MTMR2: variants seen among roughly 807,000 people sequenced by gnomAD.
MTMR2 encodes the protein myotubularin related protein 2, also known as phosphatidylinositol-3,5-bisphosphate 3-phosphatase MTMR2.
A neutral mutation model predicts 86.9 loss-of-function variants in MTMR2; 55 were observed. The ratio of observed to expected loss-of-function variants is 0.63; its 90% CI spans 0.51 to 0.79. The LOEUF (loss-of-function observed/expected upper bound fraction) is 0.79, where lower values mean the gene tolerates loss of function less well. Among genes scored for constraint, MTMR2 ranks in the 30% least tolerant of loss-of-function variants. The probability of loss-of-function intolerance (pLI) is 0.00; values close to 1 mark genes in which losing one functional copy is unlikely to be tolerated. For synonymous variants in MTMR2, 241 were observed against 266.8 expected (o/e 0.90, Z 0.94); for missense variants, 659 against 772.3 (o/e 0.85, Z 1.74).
intron 14 of MTMR2, 96 bp from the exon 15 acceptor site, chr11:95,835,547 G>T: frequency 7.7e-7 from 1 of 1,300,032 alleles, no homozygotes; most frequent in Non-Finnish European, 1.1e-6. Context: ...TTTTTCAGCT[G>T]TTGGAACCAA....
At chr11:95,884,805 G>A (rs1865458451) in intron 2 of MTMR2, among the ~76,000 whole-genome samples, 1 of 152,024 alleles carries the variant, frequency 6.6e-6, no homozygotes, top group Non-Finnish European at 1.5e-5. Context: ...AGCAACTGAA[G>A]ACTGTAATTC....
intron 6 of MTMR2, 147 bp from the exon 7 acceptor site, chr11:95,857,782 G>A: frequency 1.6e-6 from 1 of 632,424 alleles, no homozygotes; most frequent in East Asian, 2.8e-5. Flanking sequence ...TATAGTTTTT[G>A]TTTTATCATT....
rs1210152860 is a variant in MTMR2 at position 95,845,082 on chromosome 11, A to G, written c.1257T>C (p.Asp419=). ...GKTSVVVHCS[D]GWDRTAQLTS... The stretch of plus-strand genomic sequence containing the variant: ...TGAGCTGAGCTGTGCGATCCCAACC[A>G]TCACTGCAATGCACTACCACAGACG... The change falls in exon 11 of 15, where the codon GAT becomes GAC. Residue 419 remains aspartate (D), a synonymous_variant. Transcript: ENST00000346299. 3 of 1,613,958 alleles carry G rather than the reference A, an allele frequency of 1.9e-6. No individual in the cohort carries two copies. Among genetic ancestry groups the G allele is most frequent in the Admixed American group, 3.3e-5 (2 of 59,984 alleles).
chr11:95,880,195 T>C (rs971180310), intron 2 of MTMR2, among the ~76,000 whole-genome samples: 19 of 152,158 alleles, frequency 1.2e-4, no homozygotes, highest in Non-Finnish European at 2.4e-4. Flanking sequence ...TTTGGTGATG[T>C]GGTGAAGCAA....
At chr11:95,841,053 A>C (rs560533912) in intron 12 of MTMR2, among the ~76,000 whole-genome samples, 22 of 152,180 alleles carry the variant, frequency 1.4e-4, no homozygotes, top group Non-Finnish European at 2.8e-4. Flanking sequence ...TACTCTTTCC[A>C]AAAGATTAAA....
At position 95,833,371 on chromosome 11, in the gene MTMR2, G is replaced by GT. The variant is rs1406156485; in HGVS notation, c.*1918dup. ...ATAGACATACAAAGTTATGAAACATGTAACTGTCAATTCAAATATTTAAAA... is the reference window on the plus strand; with the variant it reads ...ATAGACATACAAAGTTATGAAACATGTTAACTGTCAATTCAAATATTTAAAA... On this transcript the variant is annotated 3_prime_UTR_variant, in exon 15 of 15. Coordinates refer to ENST00000346299, the MANE Select transcript of MTMR2 (RefSeq NM_016156.6). 1 of 152,056 alleles carries GT rather than the reference G, an allele frequency of 6.6e-6. No individual in the cohort carries two copies. Among genetic ancestry groups the GT allele is most frequent in the East Asian group, 1.9e-4 (1 of 5,192 alleles). The allele number at this position is 152,056 out of a possible 1,614,324, so 9.4% of individuals were successfully genotyped here.
At chr11:95,870,145 G>C (rs990212874) in intron 2 of MTMR2, among the ~76,000 whole-genome samples, 2 of 152,156 alleles carry the variant, frequency 1.3e-5, no homozygotes, top group African/African-American at 4.8e-5. Context: ...GCATCAAAAA[G>C]TAAGCCAGAT....
intron 5 of MTMR2, among the ~76,000 whole-genome samples, chr11:95,861,580 C>T (rs1490167269): frequency 7.9e-5 from 12 of 151,886 alleles, no homozygotes; most frequent in Admixed American, 4.6e-4. Context: ...CCCGCCACCA[C>T]GCCTGGTTAA....
At chr11:95,879,571 T>C (rs1865248060) in intron 2 of MTMR2, among the ~76,000 whole-genome samples, 1 of 152,224 alleles carries the variant, frequency 6.6e-6, no homozygotes, top group Non-Finnish European at 1.5e-5. Context: ...CCATTTGACC[T>C]GCTCTTGACT....
intron 1 of MTMR2, among the ~76,000 whole-genome samples, chr11:95,922,203 A>C (rs1215314811): frequency 6.6e-6 from 1 of 152,214 alleles, no homozygotes; most frequent in Non-Finnish European, 1.5e-5. Flanking sequence ...TGAAAAGACC[A>C]AAGAGCTAGC....
intron 13 of MTMR2, among the ~76,000 whole-genome samples, chr11:95,837,253 TTAA>T (rs1218425463): frequency 2.6e-5 from 4 of 152,016 alleles, no homozygotes; most frequent in African/African-American, 9.7e-5. Context: ...TATTGCTTAT[TTAA>T]TAATCTTCAT....
chr11:95,905,318 C>T (rs951098931), intron 1 of MTMR2, among the ~76,000 whole-genome samples: 7 of 134,366 alleles, frequency 5.2e-5, no homozygotes, highest in South Asian at 2.5e-4. Flanking sequence ...TACACACACA[C>T]GCACGCACCT....
chr11:95,913,657 T>C (rs1866592636), intron 1 of MTMR2, among the ~76,000 whole-genome samples: 1 of 152,082 alleles, frequency 6.6e-6, no homozygotes, highest in Admixed American at 6.6e-5. Flanking sequence ...ATATAATTCA[T>C]TTCAGCACCA....
chr11:95,849,644 A>G (rs780135876), intron 9 of MTMR2, 30 bp downstream of exon 9: 7 of 1,604,098 alleles, frequency 4.4e-6, no homozygotes, highest in South Asian at 2.2e-5. Context: ...TCATGAAACC[A>G]TAATTATAAT....
chr11:95,854,033 CATT>C (rs1864119615), intron 7 of MTMR2, among the ~76,000 whole-genome samples: 1 of 152,120 alleles, frequency 6.6e-6, no homozygotes, highest in Non-Finnish European at 1.5e-5. Flanking sequence ...GGGAATGTCA[CATT>C]ATTCACGTAA....
At chr11:95,904,498 G>A (rs1456035379) in intron 1 of MTMR2, among the ~76,000 whole-genome samples, 1 of 152,144 alleles carries the variant, frequency 6.6e-6, no homozygotes, top group Non-Finnish European at 1.5e-5. Context: ...TGAGATAAGA[G>A]GTCGGCACAA....
intron 1 of MTMR2, among the ~76,000 whole-genome samples, chr11:95,918,886 G>A (rs1160277135): frequency 6.6e-6 from 1 of 152,264 alleles, no homozygotes; most frequent in African/African-American, 2.4e-5. Context: ...GCCCAGGCCA[G>A]AATACAGTGG....
At chr11:95,901,906 T>G (rs938295697) in intron 1 of MTMR2, among the ~76,000 whole-genome samples, 13 of 152,090 alleles carry the variant, frequency 8.5e-5, no homozygotes, top group Admixed American at 1.3e-4. Context: ...TTTTAAAGTT[T>G]TTGGACAACA....
At chr11:95,838,028 G>A (rs982775572) in intron 13 of MTMR2, 66 bp downstream of exon 13, 3 of 998,120 alleles carry the variant, frequency 3.0e-6, no homozygotes, top group Admixed American at 1.7e-5. Context: ...CTGTCACAGA[G>A]TACATTCTTT....
Sources: gnomAD v4.1 joint callset for allele counts (sites outside exome capture counted in the v4.1 genomes callset) on GRCh38, gnomAD v4.1.1 for gene constraint, MANE v1.5 for transcripts, NCBI Gene and HGNC (gene_info 2026-07-23, HGNC 2026-07-21) for gene names.